EPB41L5: variants seen among roughly 807,000 people sequenced by gnomAD.
EPB41L5 encodes band 4.1-like protein 5.
EPB41L5 carries 55 observed loss-of-function variants against 106.6 expected under a neutral mutation model. The ratio of observed to expected loss-of-function variants is 0.52; its 90% CI spans 0.42 to 0.65. EPB41L5 has a LOEUF of 0.65. Among genes scored for constraint, EPB41L5 ranks in the 30% least tolerant of loss-of-function variants. EPB41L5 has a pLI of 0.00. For synonymous variants in EPB41L5, 297 were observed against 306.7 expected, an observed-to-expected ratio of 0.97 and a Z score of 0.33; for missense variants, 871 against 882.1, an observed-to-expected ratio of 0.99 and a Z score of 0.16.
intron 16 of EPB41L5, among the ~76,000 whole-genome samples, chr2:120,102,566 A>G (rs914820650): frequency 4.6e-5 from 7 of 152,210 alleles, no homozygotes; most frequent in African/African-American, 1.4e-4. Context: ...TCAAAAGAAT[A>G]TAAAGCAGTC....
At chr2:120,159,054 A>T (rs543835883) in intron 20 of EPB41L5, among the ~76,000 whole-genome samples, 6 of 152,288 alleles carry the variant, frequency 3.9e-5, no homozygotes, top group African/African-American at 1.2e-4. Context: ...GGATCTCTAC[A>T]AGGATAACTA....
chr2:120,078,445 C>T (rs1156817809), intron 9 of EPB41L5, 48 bp from the exon 10 acceptor site: 1 of 1,258,978 alleles, frequency 7.9e-7, no homozygotes. Flanking sequence ...CAATGTGAAA[C>T]CTGTTTTGTA....
rs564830626 is a variant in EPB41L5, at chr2:120,048,589, T to A, written c.285+6479T>A. Among the ~76,000 whole-genome samples the A allele has an allele frequency of 1.8e-4, 27 of 151,422 alleles. No homozygotes were observed. In the South Asian group the frequency reaches 1.9e-3, roughly 11 times the overall value. On this transcript the variant is annotated intron_variant, in intron 3 of 24. Coordinates refer to ENST00000263713, the MANE Select transcript of EPB41L5 (RefSeq NM_020909.4). ...CGGTCTGTCAATTTTGTTGATCTTT[T>A]AAAAAAAAACAGCTCCTGCATTGAT... is the stretch of plus-strand genomic sequence containing the variant.
chr2:120,040,869 AGATT>A (rs538579272), intron 2 of EPB41L5, among the ~76,000 whole-genome samples: 2 of 152,170 alleles, frequency 1.3e-5, no homozygotes, highest in Non-Finnish European at 2.9e-5. Context: ...TAAAAGGCAG[AGATT>A]GATATGATAA....
intron 15 of EPB41L5, among the ~76,000 whole-genome samples, 153 bp from the exon 16 acceptor site, chr2:120,100,546 A>G (rs1465784784): frequency 6.6e-6 from 1 of 152,212 alleles, no homozygotes; most frequent in Non-Finnish European, 1.5e-5. Flanking sequence ...CTAATATTTC[A>G]TTCATTAACT....
chr2:120,069,282 A>G (rs187641862), intron 3 of EPB41L5, among the ~76,000 whole-genome samples: 81 of 152,228 alleles, frequency 5.3e-4, no homozygotes, highest in Middle Eastern at 6.8e-3. Context: ...TAACCTAAAT[A>G]TATATGCACC....
Position 120,167,449 on chromosome 2 carries a change from A to G in EPB41L5, c.1963-17A>G, listed in dbSNP as rs1380309134. On this transcript the variant is annotated splice_polypyrimidine_tract_variant and intron_variant, in intron 22 of 24. Coordinates refer to ENST00000263713, the MANE Select transcript of EPB41L5 (RefSeq NM_020909.4). The stretch of plus-strand genomic sequence containing the variant: ...GTCTTTCCAAAAAGTAAATACATAC[A>G]TATAAAATTATTTCAGGTGTCTTCC... 1.2e-6 allele frequency: 2 copies of G among 1,605,768 alleles called. No individual in the cohort carries two copies. The highest frequency in any genetic ancestry group is 8.5e-7 in the Non-Finnish European group (1 of 1,172,618).
In EPB41L5 at chr2:120,175,091, T is replaced by G; in HGVS notation, c.*184T>G. ...TCCAACTGGAATTGTTGAATCACAC[T>G]GCATAGCTGCCCAAAAGAGAGTGTT... On this transcript the variant is annotated 3_prime_UTR_variant, in exon 25 of 25. Coordinates refer to ENST00000263713, the MANE Select transcript of EPB41L5 (RefSeq NM_020909.4). The G allele has an allele frequency of 3.3e-6, 2 of 611,932 alleles. No individual in the cohort carries two copies. Among genetic ancestry groups the G allele is most frequent in the Admixed American group, 5.5e-5 (2 of 36,672 alleles). The allele number at this position is 611,932 out of a possible 1,614,324, so 37.9% of individuals were successfully genotyped here. A position where few individuals can be genotyped will look rare whatever the true frequency, so the allele number is the denominator to read the frequency against.
intron 16 of EPB41L5, chr2:120,105,644 A>C (rs11123543): frequency 0.018 from 17,500 of 985,302 alleles, 191 homozygotes; most frequent in Non-Finnish European, 0.02. Context: ...CAAAGTATTT[A>C]GCACATCCTC....
chr2:120,148,083 C>A (rs1686490188), intron 20 of EPB41L5, among the ~76,000 whole-genome samples: 1 of 151,988 alleles, frequency 6.6e-6, no homozygotes, highest in East Asian at 1.9e-4. Context: ...ATATAGTATA[C>A]CTGTATACCA....
intron 3 of EPB41L5, among the ~76,000 whole-genome samples, chr2:120,051,037 A>G (rs1680226939): frequency 6.6e-6 from 1 of 152,128 alleles, no homozygotes; most frequent in Admixed American, 6.5e-5. Context: ...TTAGAGGGGT[A>G]CCCAGCCTTG....
intron 14 of EPB41L5, among the ~76,000 whole-genome samples, chr2:120,093,489 G>A (rs901018169): frequency 1.3e-5 from 2 of 152,246 alleles, no homozygotes; most frequent in African/African-American, 4.8e-5. Context: ...GGTCGAGGCA[G>A]ATGAGCCATT....
chr2:120,090,292 A>T lies in EPB41L5; in HGVS notation c.874-55A>T, dbSNP rs867010461. Reference sequence around the variant, plus strand: ...GATGTGTTTGTATCTCAGAAATAGGAGATAGGACTGTTTGAATTAGTAATC... The same window carrying T: ...GATGTGTTTGTATCTCAGAAATAGGTGATAGGACTGTTTGAATTAGTAATC... On this transcript the variant is annotated intron_variant, in intron 11 of 24. Coordinates refer to ENST00000263713, the MANE Select transcript of EPB41L5 (RefSeq NM_020909.4). 3 of 1,422,196 alleles carry T rather than the reference A, an allele frequency of 2.1e-6. 1 individual carries two copies. In the Middle Eastern group the frequency reaches 5.5e-4, roughly 260 times the overall value. 88.1% of individuals were successfully genotyped at this position (1,422,196 alleles called of 1,614,324 possible).
Position 120,167,857 on chromosome 2 carries a change from T to G in EPB41L5, c.2005-20T>G. The G allele has an allele frequency of 6.2e-7, 1 of 1,614,098 alleles. No homozygotes were observed. Among genetic ancestry groups the G allele is most frequent in the South Asian group, 1.1e-5 (1 of 91,082 alleles). Reference sequence around the variant, plus strand: ...CAGGTATTGTTACCCTGTATTTAGTTGTGTGTGTATCTCCCACAGCAGAGT... The same window carrying G: ...CAGGTATTGTTACCCTGTATTTAGTGGTGTGTGTATCTCCCACAGCAGAGT... On this transcript the variant is annotated intron_variant, in intron 23 of 24. Transcript: ENST00000263713.
In EPB41L5 at chr2:120,075,507, A is replaced by C. The variant is rs1400983189; in HGVS notation, c.439A>C (p.Ile147Leu). 6.3e-7 allele frequency: 1 copy of C among 1,578,982 alleles called. No individual in the cohort carries two copies. The highest frequency in any genetic ancestry group is 8.7e-7 in the Non-Finnish European group (1 of 1,149,618). ...YLFVLQLKQD[I>L]LSGKLDCPFD... ...ATTTGTTCTTCAGTTAAAACAAGAT[A>C]TTCTCAGTGGAAAGTGAGTATTAGT... Residue 147 changes from isoleucine (I) to leucine (L), a missense_variant, in exon 6 of 25, where the codon ATT becomes CTT. Coordinates refer to ENST00000263713, the MANE Select transcript of EPB41L5 (RefSeq NM_020909.4).
intron 3 of EPB41L5, among the ~76,000 whole-genome samples, chr2:120,070,678 T>G (rs141220226): frequency 0.011 from 1,610 of 152,288 alleles, 28 homozygotes; most frequent in African/African-American, 0.037. Context: ...CAAGGCTGGT[T>G]CAACATACGC....
intron 7 of EPB41L5, 94 bp downstream of exon 7, chr2:120,075,847 G>GAA: frequency 1.0e-6 from 1 of 994,452 alleles, no homozygotes; most frequent in Non-Finnish European, 1.6e-6. Flanking sequence ...TGCAAGAAAA[G>GAA]AAACAACACT....
intron 3 of EPB41L5, among the ~76,000 whole-genome samples, chr2:120,065,243 A>G (rs779770356): frequency 7.9e-5 from 12 of 152,006 alleles, no homozygotes; most frequent in Non-Finnish European, 1.6e-4. Context: ...CCTCCCAAAT[A>G]ACTGGGGGAC....
intron 1 of EPB41L5, among the ~76,000 whole-genome samples, chr2:120,016,550 C>CGTCT (rs1394433089): frequency 4.6e-5 from 7 of 152,086 alleles, no homozygotes; most frequent in Non-Finnish European, 7.4e-5. Flanking sequence ...CTTTAAATGA[C>CGTCT]AGACAATATC....
Sources: allele counts gnomAD v4.1 joint callset (sites outside exome capture counted in the v4.1 genomes callset), GRCh38; gene constraint gnomAD v4.1.1; transcripts MANE v1.5; gene names NCBI Gene and HGNC (gene_info 2026-07-23, HGNC 2026-07-21).